Variants in DOCK5 observed in about 807,000 individuals in gnomAD.
DOCK5 encodes the protein dedicator of cytokinesis protein 5.
A neutral mutation model predicts 251.8 loss-of-function variants in DOCK5; 142 were observed. The observed-to-expected ratio is 0.56, with a 90% CI of 0.49 to 0.65. The LOEUF is 0.65. Among genes scored for constraint, DOCK5 ranks in the 30% least tolerant of loss-of-function variants. The pLI is 0.00. For missense variants in DOCK5, 2,111 were observed against 2,312.3 expected (o/e 0.91, Z 1.79); for synonymous variants, 842 against 835.5 (o/e 1.01, Z -0.13).
chr8:25,360,479 C>G (rs893956620), intron 28 of DOCK5, among the ~76,000 whole-genome samples: 3 of 152,144 alleles, frequency 2.0e-5, no homozygotes, highest in African/African-American at 7.2e-5. Context: ...TCTCTACAGG[C>G]AGGTGGTGTA....
intron 18 of DOCK5, among the ~76,000 whole-genome samples, chr8:25,326,902 T>G (rs1805577964): frequency 6.6e-6 from 1 of 152,190 alleles, no homozygotes; most frequent in South Asian, 2.1e-4. Flanking sequence ...CTGCTAAATA[T>G]GGTATTTCAA....
At chr8:25,303,349 C>T (rs909114828) in intron 10 of DOCK5, among the ~76,000 whole-genome samples, 3 of 152,056 alleles carry the variant, frequency 2.0e-5, no homozygotes, top group Non-Finnish European at 2.9e-5. Flanking sequence ...TCTGGGTCTG[C>T]GTATTGATTT....
At chr8:25,323,257 T>G (rs2255898) in intron 16 of DOCK5, among the ~76,000 whole-genome samples, 119,734 of 152,184 alleles carry the variant, frequency 0.79, 47,245 homozygotes, top group African/African-American at 0.84. Flanking sequence ...GGAGGAAGGG[T>G]AAAGAAACTT....
intron 1 of DOCK5, among the ~76,000 whole-genome samples, chr8:25,213,232 AAATG>A: frequency 6.6e-6 from 1 of 152,140 alleles, no homozygotes; most frequent in East Asian, 1.9e-4. Flanking sequence ...CCTCAGCCTC[AAATG>A]AATGGGCACC....
chr8:25,228,063 G>T (rs1445920531), intron 1 of DOCK5, among the ~76,000 whole-genome samples: 1 of 152,078 alleles, frequency 6.6e-6, no homozygotes, highest in Non-Finnish European at 1.5e-5. Flanking sequence ...TTTTTGTAGA[G>T]ATGGAGTTTT....
Position 25,184,925 on chromosome 8 carries a change from C to A in DOCK5, c.17C>A (p.Pro6Gln). ...GTCGCCGCCATGGCCCGCTGGATCC[C>A]GACCAAGAGGCAGAAGTACGGGGTT... is the stretch of plus-strand genomic sequence containing the variant. MARWI[P>Q]TKRQKYGVAI... Residue 6 changes from proline (P) to glutamine (Q), a missense_variant, in exon 1 of 52, where the codon CCG becomes CAG. Physicochemically the swap from Pro to Gln is moderately conservative, Grantham distance 76 (BLOSUM62 -1). Coordinates refer to ENST00000276440, the MANE Select transcript of DOCK5 (RefSeq NM_024940.8). 6.9e-7 allele frequency: 1 copy of A among 1,442,864 alleles called. No individual in the cohort carries two copies. The highest frequency in any genetic ancestry group is 2.8e-5 in the East Asian group (1 of 35,956). 89.4% of individuals were successfully genotyped at this position (1,442,864 alleles called of 1,614,324 possible).
At chr8:25,363,794 T>G (rs1800730101) in intron 29 of DOCK5, among the ~76,000 whole-genome samples, 1 of 152,222 alleles carries the variant, frequency 6.6e-6, no homozygotes, top group African/African-American at 2.4e-5. Context: ...CTCACACCGG[T>G]CTTCCGCTAG....
intron 45 of DOCK5, among the ~76,000 whole-genome samples, chr8:25,397,728 CAG>C (rs1801370541): frequency 6.6e-6 from 1 of 152,172 alleles, no homozygotes; most frequent in Non-Finnish European, 1.5e-5. Context: ...CCCCTAATCA[CAG>C]ATTTATATAT....
At chr8:25,271,009 C>G (rs1586282774) in intron 3 of DOCK5, 1 of 435,668 alleles carries the variant, frequency 2.3e-6, no homozygotes, top group Non-Finnish European at 4.1e-6. Flanking sequence ...CCTCTGCTTA[C>G]TTTTTTTTTC....
At chr8:25,317,384 G>T (rs1437206778) in intron 14 of DOCK5, 1 of 350,840 alleles carries the variant, frequency 2.9e-6, no homozygotes, top group Non-Finnish European at 5.2e-6. Context: ...ATGATTTTAT[G>T]TGTAAGCTTC....
chr8:25,398,839 T>C (rs542688995), intron 45 of DOCK5, among the ~76,000 whole-genome samples: 1 of 151,874 alleles, frequency 6.6e-6, no homozygotes, highest in Non-Finnish European at 1.5e-5. Flanking sequence ...TAGGGTCACA[T>C]TCTAAGGTAC....
At chr8:25,251,407 C>G (rs1315755986) in intron 2 of DOCK5, among the ~76,000 whole-genome samples, 1 of 152,052 alleles carries the variant, frequency 6.6e-6, no homozygotes, top group Non-Finnish European at 1.5e-5. Context: ...TTAAAAGAAA[C>G]AAAAAGAAGG....
At chr8:25,207,058 C>T (rs953214727) in intron 1 of DOCK5, among the ~76,000 whole-genome samples, 3 of 152,156 alleles carry the variant, frequency 2.0e-5, no homozygotes, top group African/African-American at 4.8e-5. Flanking sequence ...CTTGCAATAC[C>T]GTGGCATCAC....
intron 6 of DOCK5, among the ~76,000 whole-genome samples, chr8:25,296,039 T>C (rs1363639093): frequency 2.6e-5 from 4 of 152,142 alleles, no homozygotes; most frequent in Non-Finnish European, 5.9e-5. Flanking sequence ...AGGCTGGTCT[T>C]GACCTCCTGG....
At chr8:25,375,065 C>A (rs934559695) in intron 37 of DOCK5, 2 of 875,792 alleles carry the variant, frequency 2.3e-6, no homozygotes, top group East Asian at 8.7e-5. Context: ...GATATAAATA[C>A]ATCTATATGT....
chr8:25,302,881 A>T (rs985632525), intron 10 of DOCK5, among the ~76,000 whole-genome samples: 2 of 152,182 alleles, frequency 1.3e-5, no homozygotes, highest in Admixed American at 1.3e-4. Flanking sequence ...CAGAGACAGT[A>T]TAGAGTGGTG....
At chr8:25,268,153 G>A (rs1403603133) in intron 2 of DOCK5, among the ~76,000 whole-genome samples, 1 of 151,994 alleles carries the variant, frequency 6.6e-6, no homozygotes, top group East Asian at 1.9e-4. Context: ...GAGCCACCGT[G>A]CCCGGCTGGA....
chr8:25,403,092 G>A (rs914245872), intron 47 of DOCK5, among the ~76,000 whole-genome samples: 1 of 152,264 alleles, frequency 6.6e-6, no homozygotes, highest in South Asian at 2.1e-4. Context: ...GCATCTGGGG[G>A]TAATCCTACT....
At chr8:25,192,292 G>T (rs1192539406) in intron 1 of DOCK5, among the ~76,000 whole-genome samples, 5 of 152,112 alleles carry the variant, frequency 3.3e-5, no homozygotes, top group African/African-American at 1.2e-4. Flanking sequence ...ACCCAGTAAT[G>T]GGATGGCTGG....
Sources: allele counts gnomAD v4.1 joint callset (sites outside exome capture counted in the v4.1 genomes callset), GRCh38; gene constraint gnomAD v4.1.1; transcripts MANE v1.5; gene names NCBI Gene and HGNC (gene_info 2026-07-23, HGNC 2026-07-21).